NPAS3: variants seen among roughly 807,000 people sequenced by gnomAD.
NPAS3 encodes neuronal PAS domain-containing protein 3.
Under a neutral mutation model 73.1 loss-of-function variants are expected in NPAS3, and 14 were observed. The observed-to-expected ratio is 0.19, with a 90% CI of 0.13 to 0.30. NPAS3 has a LOEUF of 0.30. Ranked by LOEUF, NPAS3 falls within the 10% of genes least tolerant of loss-of-function variation. The pLI, the probability that NPAS3 is intolerant of heterozygous loss-of-function variation, is 1.00. For missense variants in NPAS3, 1,096 were observed against 1,250.0 expected, an observed-to-expected ratio of 0.88 and a Z score of 1.86; for synonymous variants, 620 against 541.5, an observed-to-expected ratio of 1.14 and a Z score of -2.01.
intron 2 of NPAS3, among the ~76,000 whole-genome samples, chr14:33,067,928 T>C (rs571542647): frequency 5.4e-4 from 83 of 152,358 alleles, no homozygotes; most frequent in African/African-American, 1.9e-3. Flanking sequence ...GTCTCAAATA[T>C]TCTTTTAGTA....
intron 5 of NPAS3, among the ~76,000 whole-genome samples, chr14:33,672,503 A>G (rs1479397629): frequency 6.6e-6 from 1 of 152,194 alleles, no homozygotes. Flanking sequence ...AGGTGGTAAC[A>G]GAAGATTTAA....
At chr14:33,156,546 A>G (rs2139279248) in intron 2 of NPAS3, among the ~76,000 whole-genome samples, 1 of 152,306 alleles carries the variant, frequency 6.6e-6, no homozygotes, top group South Asian at 2.1e-4. Context: ...ACAAGAATAT[A>G]AATCATTTAA....
chr14:32,996,937 C>T (rs544008749), intron 1 of NPAS3, among the ~76,000 whole-genome samples: 25 of 152,212 alleles, frequency 1.6e-4, no homozygotes, highest in African/African-American at 5.8e-4. Context: ...CAGCTTGCAC[C>T]GTGTATCGGG....
At chr14:33,120,439 C>T (rs1446603921) in intron 2 of NPAS3, among the ~76,000 whole-genome samples, 1 of 152,124 alleles carries the variant, frequency 6.6e-6, no homozygotes, top group Non-Finnish European at 1.5e-5. Flanking sequence ...TGTTCTCATT[C>T]ACTGCAAATG....
intron 2 of NPAS3, among the ~76,000 whole-genome samples, chr14:33,100,194 C>T (rs1234324699): frequency 6.6e-6 from 1 of 152,126 alleles, no homozygotes; most frequent in African/African-American, 2.4e-5. Flanking sequence ...ATCTAGATCA[C>T]TTCTGATTGG....
At chr14:33,343,345 C>T (rs1367903647) in intron 3 of NPAS3, among the ~76,000 whole-genome samples, 1 of 152,134 alleles carries the variant, frequency 6.6e-6, no homozygotes, top group African/African-American at 2.4e-5. Flanking sequence ...TTATCTTGAT[C>T]TGATTGAATT....
chr14:33,378,643 A>T (rs1003928619), intron 4 of NPAS3, among the ~76,000 whole-genome samples: 1 of 152,150 alleles, frequency 6.6e-6, no homozygotes, highest in Non-Finnish European at 1.5e-5. Flanking sequence ...CTCAAAAAAA[A>T]TAAATAAAAT....
At chr14:33,403,914 C>A (rs2047552371) in intron 4 of NPAS3, among the ~76,000 whole-genome samples, 1 of 152,068 alleles carries the variant, frequency 6.6e-6, no homozygotes, top group African/African-American at 2.4e-5. Context: ...TAAAATCTGA[C>A]AGTCCTACAT....
intron 1 of NPAS3, among the ~76,000 whole-genome samples, chr14:33,010,974 A>G (rs1030815731): frequency 4.6e-5 from 7 of 151,704 alleles, no homozygotes; most frequent in African/African-American, 1.7e-4. Context: ...AAACATTGAC[A>G]TAAATGTGAG....
intron 4 of NPAS3, among the ~76,000 whole-genome samples, chr14:33,524,237 C>T (rs1245615211): frequency 6.6e-6 from 1 of 152,234 alleles, no homozygotes; most frequent in African/African-American, 2.4e-5. Flanking sequence ...CTTCATAATA[C>T]TTAAGTCTTA....
intron 5 of NPAS3, among the ~76,000 whole-genome samples, chr14:33,662,956 G>T (rs1236342991): frequency 6.7e-6 from 1 of 149,216 alleles, no homozygotes; most frequent in Non-Finnish European, 1.5e-5. Flanking sequence ...CGCCTCCTGG[G>T]TTCACGCCAT....
chr14:33,053,702 A>C (rs1418567575), intron 1 of NPAS3, among the ~76,000 whole-genome samples: 1 of 152,178 alleles, frequency 6.6e-6, no homozygotes, highest in African/African-American at 2.4e-5. Context: ...TAATTTTTTA[A>C]ACCTGACAGT....
intron 2 of NPAS3, among the ~76,000 whole-genome samples, chr14:33,195,331 C>T (rs1320138741): frequency 5.3e-5 from 8 of 152,072 alleles, no homozygotes; most frequent in South Asian, 4.2e-4. Context: ...AGTGCCGTGG[C>T]GCAGTCTTGT....
At position 33,586,631 on chromosome 14, in the gene NPAS3, TA is replaced by T. The variant is rs146297425; in HGVS notation, c.558+26422del. On this transcript the variant is annotated intron_variant, in intron 5 of 11. Transcript: ENST00000356141. ...AGAATCCTTTTAGAAAACTAAGAAT[TA>T]TTTTTTAATGCCAATACATTTTCTA... Among the ~76,000 whole-genome samples, 1,000 of 152,332 alleles carry T rather than the reference TA, an allele frequency of 6.6e-3. 10 individuals are homozygous for T. The highest frequency in any genetic ancestry group is 0.023 in the African/African-American group (938 of 41,556).
intron 6 of NPAS3, among the ~76,000 whole-genome samples, chr14:33,707,163 A>G (rs2060678860): frequency 6.6e-6 from 1 of 152,158 alleles, no homozygotes; most frequent in Non-Finnish European, 1.5e-5. Context: ...AAGGCAGAAT[A>G]TATTTATTTC....
At chr14:33,550,319 T>C (rs2055049986) in intron 4 of NPAS3, among the ~76,000 whole-genome samples, 1 of 152,216 alleles carries the variant, frequency 6.6e-6, no homozygotes, top group Non-Finnish European at 1.5e-5. Context: ...ATTAAGACTG[T>C]CATTTAATGT....
In NPAS3 at chr14:33,563,537, C is replaced by CACACACAGAGAGAG; in HGVS notation, c.558+3328_558+3329insCACACAGAGAGAGA. ...ATACATACACACACACACACACACACAGAGAGAGAGAGAGAGAGAGAGAGA... is the reference window on the plus strand; with the variant it reads ...ATACATACACACACACACACACACACACACACAGAGAGAGAGAGAGAGAGAGAGAGAGAGAGAGA... On this transcript the variant is annotated intron_variant, in intron 5 of 11. Transcript: ENST00000356141. Among the ~76,000 whole-genome samples the CACACACAGAGAGAG allele has an allele frequency of 1.6e-4, 19 of 119,648 alleles. 1 individual carries two copies. The highest frequency in any genetic ancestry group is 6.7e-4 in the African/African-American group (18 of 26,708). 78.5% of individuals were successfully genotyped at this position (119,648 alleles called of 152,430 possible).
intron 2 of NPAS3, among the ~76,000 whole-genome samples, chr14:33,153,157 G>C (rs875797): frequency 0.028 from 4,261 of 152,068 alleles, 154 homozygotes; most frequent in African/African-American, 0.096. Flanking sequence ...ATAGGAACAT[G>C]CTTGTTTTTT....
At chr14:33,602,915 C>T (rs1012672767) in intron 5 of NPAS3, among the ~76,000 whole-genome samples, 4 of 152,186 alleles carry the variant, frequency 2.6e-5, no homozygotes, top group South Asian at 2.1e-4. Context: ...GACTGCATCC[C>T]ACAACAAATC....
Sources: allele counts gnomAD v4.1 joint callset (sites outside exome capture counted in the v4.1 genomes callset), GRCh38; gene constraint gnomAD v4.1.1; transcripts MANE v1.5; gene names NCBI Gene and HGNC (gene_info 2026-07-23, HGNC 2026-07-21).